The following POR variants were observed in gnomAD, a reference collection of about 807,000 sequenced individuals.
The protein encoded by POR is cytochrome p450 oxidoreductase.
Under a neutral mutation model 84.0 loss-of-function variants are expected in POR, and 56 were observed. That is an observed-to-expected ratio of 0.67 (90% CI 0.54 to 0.83). POR has a LOEUF of 0.83. Ranked by LOEUF, POR falls within the 40% of genes least tolerant of loss-of-function variation. POR has a pLI of 0.00. For missense variants in POR, 938 were observed against 944.3 expected, an observed-to-expected ratio of 0.99 and a Z score of 0.09; for synonymous variants, 414 against 400.5, an observed-to-expected ratio of 1.03 and a Z score of -0.40.
At chr7:75,935,730 G>C (rs1215202065) in intron 1 of POR, among the ~76,000 whole-genome samples, 5 of 150,498 alleles carry the variant, frequency 3.3e-5, no homozygotes, top group African/African-American at 1.2e-4. Context: ...TTTTCACCAG[G>C]CATCATCACC....
intron 1 of POR, among the ~76,000 whole-genome samples, chr7:75,936,484 T>C (rs552504404): frequency 6.6e-6 from 1 of 152,150 alleles, no homozygotes; most frequent in South Asian, 2.1e-4. Context: ...TGATGTTCAA[T>C]GTGGAGCTCA....
intron 1 of POR, among the ~76,000 whole-genome samples, chr7:75,946,007 G>C (rs1438173087): frequency 1.3e-5 from 2 of 152,152 alleles, no homozygotes; most frequent in African/African-American, 2.4e-5. Flanking sequence ...GTGCCCCCCA[G>C]CCTGTGTGCT....
chr7:75,964,265 G>T (rs760157857), intron 2 of POR, among the ~76,000 whole-genome samples: 75 of 152,232 alleles, frequency 4.9e-4, no homozygotes, highest in Admixed American at 2.0e-3. Flanking sequence ...CTCCCAAAGT[G>T]TTGGGATTAC....
intron 3 of POR, among the ~76,000 whole-genome samples, chr7:75,978,766 C>T (rs1788826597): frequency 6.7e-6 from 1 of 149,940 alleles, no homozygotes; most frequent in Non-Finnish European, 1.5e-5. Flanking sequence ...TCAAGTCATC[C>T]ACCCGCCTTG....
chr7:75,950,681 AT>A (rs1554552613), intron 1 of POR, among the ~76,000 whole-genome samples: 1 of 152,234 alleles, frequency 6.6e-6, no homozygotes, highest in African/African-American at 2.4e-5. Flanking sequence ...TATGACTAGC[AT>A]TAAGTAAATA....
intron 3 of POR, among the ~76,000 whole-genome samples, chr7:75,977,487 C>T (rs918944128): frequency 1.3e-5 from 2 of 152,106 alleles, no homozygotes; most frequent in Non-Finnish European, 2.9e-5. Context: ...TTAGAAATAC[C>T]TCAGGTGGCT....
intron 1 of POR, among the ~76,000 whole-genome samples, chr7:75,952,612 G>T (rs1377389125): frequency 6.6e-6 from 1 of 151,560 alleles, no homozygotes; most frequent in Admixed American, 6.6e-5. Context: ...AGACGGGGCG[G>T]CCGGGCAGAG....
chr7:75,977,756 C>T (rs191748163), intron 3 of POR, among the ~76,000 whole-genome samples: 10 of 152,132 alleles, frequency 6.6e-5, no homozygotes, highest in South Asian at 2.1e-4. Flanking sequence ...CCAATCTGGG[C>T]GTCAGAGCGA....
intron 2 of POR, among the ~76,000 whole-genome samples, chr7:75,957,170 A>G (rs1172921256): frequency 6.6e-6 from 1 of 152,206 alleles, no homozygotes; most frequent in African/African-American, 2.4e-5. Flanking sequence ...CCCAGGGCAC[A>G]GGCTGGAGAG....
chr7:75,973,232 CTTA>C (rs1318633791), intron 3 of POR, among the ~76,000 whole-genome samples: 19 of 152,104 alleles, frequency 1.2e-4, no homozygotes, highest in African/African-American at 4.3e-4. Context: ...CCCCACTGTT[CTTA>C]TTATTTATGG....
chr7:75,960,215 T>TG (rs1334433522), intron 2 of POR, among the ~76,000 whole-genome samples: 2 of 151,948 alleles, frequency 1.3e-5, no homozygotes, highest in African/African-American at 4.8e-5. Flanking sequence ...CACCTGAGCC[T>TG]GGGATGCCAA....
chr7:75,977,616 A>C (rs1410210211), intron 3 of POR, among the ~76,000 whole-genome samples: 1 of 152,148 alleles, frequency 6.6e-6, no homozygotes, highest in Non-Finnish European at 1.5e-5. Flanking sequence ...TCTCTACTAA[A>C]AATTCAAAAA....
intron 1 of POR, among the ~76,000 whole-genome samples, chr7:75,927,569 A>G (rs1321138503): frequency 6.6e-6 from 1 of 152,124 alleles, no homozygotes; most frequent in African/African-American, 2.4e-5. Context: ...ATGCTCTGGA[A>G]TCTGGTAGTG....
At chr7:75,921,551 C>T (rs1806868313) in intron 1 of POR, among the ~76,000 whole-genome samples, 1 of 151,782 alleles carries the variant, frequency 6.6e-6, no homozygotes, top group African/African-American at 2.4e-5. Context: ...AGGCGTGAGC[C>T]ACCACGCCCG....
chr7:75,981,686 C>A, intron 7 of POR, 80 bp downstream of exon 7: 2 of 1,178,334 alleles, frequency 1.7e-6, no homozygotes, highest in Non-Finnish European at 1.2e-6. Flanking sequence ...CAAGGGCTGG[C>A]AGTGGGTCGC....
At position 75,954,143 on chromosome 7, in the gene POR, A is replaced by C; in HGVS notation, c.151A>C (p.Lys51Gln). ...CTACTGGTTCCTCTTCAGAAAGAAA[A>C]AAGAAGAAGTCCCCGAGTTCACCAA... Residue 51 changes from lysine to glutamine, a missense_variant, in exon 2 of 16, where the codon AAA becomes CAA. Lys to Gln is a moderately conservative substitution (Grantham distance 53). Coordinates refer to ENST00000461988, the MANE Select transcript of POR (RefSeq NM_000941.3). The C allele has an allele frequency of 6.2e-7, 1 of 1,612,870 alleles. No individual in the cohort carries two copies. The highest frequency in any genetic ancestry group is 2.2e-5 in the East Asian group (1 of 44,856).
At chr7:75,975,908 T>TC (rs1322028644) in intron 3 of POR, among the ~76,000 whole-genome samples, 1 of 143,218 alleles carries the variant, frequency 7.0e-6, no homozygotes, top group Non-Finnish European at 1.5e-5. Context: ...TGGTGTGGCC[T>TC]CCCAGGGTAC....
In POR at chr7:75,986,041, G is replaced by A; in HGVS notation, c.1788G>A (p.Val596=). The change falls in exon 14 of 16, where the codon GTG becomes GTA. Residue 596 remains valine (V), a synonymous_variant. Transcript: ENST00000461988. ...ACGGTGCGCTCACCCAGCTCAACGT[G>A]GCCTTCTCCCGGGAGCAGTCCCACA... 2 of 1,560,726 alleles carry A rather than the reference G, an allele frequency of 1.3e-6. No individual in the cohort carries two copies. Among genetic ancestry groups the A allele is most frequent in the Non-Finnish European group, 1.7e-6 (2 of 1,153,314 alleles).
intron 3 of POR, 124 bp from the exon 4 acceptor site, chr7:75,979,327 C>G (rs1788871716): frequency 2.5e-6 from 3 of 1,213,006 alleles, no homozygotes; most frequent in Non-Finnish European, 3.4e-6. Flanking sequence ...AGAAGGGACT[C>G]AAAGCCAGGA....
Sources: allele counts gnomAD v4.1 joint callset (sites outside exome capture counted in the v4.1 genomes callset), GRCh38; gene constraint gnomAD v4.1.1; transcripts MANE v1.5; gene names NCBI Gene and HGNC (gene_info 2026-07-23, HGNC 2026-07-21).